The following KIRREL3 variants were observed in gnomAD, a reference collection of about 807,000 sequenced individuals.
KIRREL3 encodes kin of IRRE-like protein 3.
Under a neutral mutation model 89.7 loss-of-function variants are expected in KIRREL3, and 36 were observed. The observed-to-expected ratio is 0.40, with a 90% CI of 0.31 to 0.53. The LOEUF is 0.53. KIRREL3 is among the 20% of genes least tolerant of loss of function. KIRREL3 has a pLI of 0.49. For missense variants in KIRREL3, 864 were observed against 1,056.6 expected (o/e 0.82, Z 2.53); for synonymous variants, 445 against 441.4 (o/e 1.01, Z -0.10).
chr11:126,506,413 T>G (rs1025315727), intron 4 of KIRREL3, among the ~76,000 whole-genome samples: 2 of 152,176 alleles, frequency 1.3e-5, no homozygotes, highest in Admixed American at 1.3e-4. Context: ...GTAAGACAAA[T>G]GATTCTATTT....
chr11:126,490,742 T>G lies in KIRREL3; in HGVS notation c.434-17276A>C, dbSNP rs1957489087. 1.3e-5 allele frequency among the ~76,000 whole-genome samples: 2 copies of G among 152,282 alleles called. No homozygotes were observed. Among genetic ancestry groups the G allele is most frequent in the South Asian group, 4.1e-4 (2 of 4,828 alleles). On this transcript the variant is annotated intron_variant, in intron 4 of 16. Coordinates refer to ENST00000525144, the MANE Select transcript of KIRREL3 (RefSeq NM_032531.4). The surrounding 1 kb of genome is among the most constrained non-coding windows in gnomAD (Gnocchi z 4.2). ...GTGAATGCTCATTCCTTTTCTTGTC[T>G]CTCCTCCCTCCTCGTCTCCCAAAGA... is the stretch of plus-strand genomic sequence containing the variant.
In KIRREL3 at chr11:126,551,734, C is replaced by T. The variant is rs189078089; in HGVS notation, c.133+11101G>A. On this transcript the variant is annotated intron_variant, in intron 2 of 16. Transcript: ENST00000525144. This position sits in a 1 kb window ranked among gnomAD's most constrained non-coding sequence, Gnocchi z 4.9. ...GTGTGACCTCGGCTCACTGCAACCT[C>T]TCCTGGGTTCAAGCGATTCTCCTGC... is the stretch of plus-strand genomic sequence containing the variant. 3.2e-3 allele frequency among the ~76,000 whole-genome samples: 482 copies of T among 151,232 alleles called. 8 individuals carry two copies. The highest frequency in any genetic ancestry group is 7.9e-4 in the Non-Finnish European group (54 of 67,930).
At position 126,764,258 on chromosome 11, in the gene KIRREL3, A is replaced by G. The variant is rs755489990; in HGVS notation, c.56-201346T>C. Reference sequence around the variant, plus strand: ...TCGCTCTGGTCAATGGGCCCACGGCAGCACCCACTGTCTTGGCAAATGTCC... The same window carrying G: ...TCGCTCTGGTCAATGGGCCCACGGCGGCACCCACTGTCTTGGCAAATGTCC... On this transcript the variant is annotated intron_variant, in intron 1 of 16. Coordinates refer to ENST00000525144, the MANE Select transcript of KIRREL3 (RefSeq NM_032531.4). This position sits in a 1 kb window ranked among gnomAD's most constrained non-coding sequence, Gnocchi z 4.2. 3.1e-4 allele frequency among the ~76,000 whole-genome samples: 47 copies of G among 152,192 alleles called. No individual in the cohort carries two copies. The highest frequency in any genetic ancestry group is 4.7e-4 in the Non-Finnish European group (32 of 68,032).
intron 1 of KIRREL3, among the ~76,000 whole-genome samples, chr11:126,825,158 G>A (rs1244080062): frequency 6.6e-6 from 1 of 152,132 alleles, no homozygotes; most frequent in African/African-American, 2.4e-5. Context: ...CCAACCAGTA[G>A]CTACAGGTAA....
At chr11:126,559,590 G>T (rs943575650) in intron 2 of KIRREL3, among the ~76,000 whole-genome samples, 1 of 152,196 alleles carries the variant, frequency 6.6e-6, no homozygotes, top group Non-Finnish European at 1.5e-5. Flanking sequence ...TAGATGGAAG[G>T]CAGGATCTCT....
At chr11:126,632,227 C>T (rs1944056943) in intron 1 of KIRREL3, among the ~76,000 whole-genome samples, 1 of 152,208 alleles carries the variant, frequency 6.6e-6, no homozygotes, top group Non-Finnish European at 1.5e-5. Flanking sequence ...GAGTCTTTAG[C>T]TGAATTTCTC....
At chr11:126,488,987 C>T (rs751382181) in intron 4 of KIRREL3, among the ~76,000 whole-genome samples, 25 of 152,176 alleles carry the variant, frequency 1.6e-4, no homozygotes, top group Non-Finnish European at 3.4e-4. Context: ...CGAGACTGCG[C>T]TTCCTTTCCT....
At position 126,745,504 on chromosome 11, in the gene KIRREL3, A is replaced by G. The variant is rs867912709; in HGVS notation, c.56-182592T>C. Among the ~76,000 whole-genome samples, 81 of 152,280 alleles carry G rather than the reference A, an allele frequency of 5.3e-4. 1 individual carries two copies. The highest frequency in any genetic ancestry group is 6.8e-3 in the Middle Eastern group (2 of 294). On this transcript the variant is annotated intron_variant, in intron 1 of 16. Transcript: ENST00000525144. ...CAAACAAACAGAAAAACAAAAAAAA[A>G]AAACAAAACCCAAACAAAACCCTCA...
rs1948887420 is a variant in KIRREL3 at position 126,955,205 on chromosome 11, G to A, written c.55+45250C>T. ...GCCAACAGGGTAACGTGGTAATGAAGGAGATGGCAAAGTGAAAAGCAAGTT... is the reference window on the plus strand; with the variant it reads ...GCCAACAGGGTAACGTGGTAATGAAAGAGATGGCAAAGTGAAAAGCAAGTT... On this transcript the variant is annotated intron_variant, in intron 1 of 16. Coordinates refer to ENST00000525144, the MANE Select transcript of KIRREL3 (RefSeq NM_032531.4). This position sits in a 1 kb window ranked among gnomAD's most constrained non-coding sequence, Gnocchi z 4.6. 1.3e-5 allele frequency among the ~76,000 whole-genome samples: 2 copies of A among 152,318 alleles called. No homozygotes were observed. Among genetic ancestry groups the A allele is most frequent in the South Asian group, 4.1e-4 (2 of 4,824 alleles).
At chr11:126,583,207 C>G (rs74542833) in intron 1 of KIRREL3, among the ~76,000 whole-genome samples, 4,840 of 152,340 alleles carry the variant, frequency 0.032, 139 homozygotes, top group Middle Eastern at 0.11. Flanking sequence ...CCTCAGCTCA[C>G]TGTGGACTGT....
In KIRREL3 at chr11:126,897,719, C is replaced by T. The variant is rs769292928; in HGVS notation, c.55+102736G>A. On this transcript the variant is annotated intron_variant, in intron 1 of 16. Transcript: ENST00000525144. This position sits in a 1 kb window ranked among gnomAD's most constrained non-coding sequence, Gnocchi z 4.2. ...TCCACTTTGATTTCATCTCCAGTTT[C>T]GGACGAGCAGCAGTACAACATGCAG... 4.6e-5 allele frequency among the ~76,000 whole-genome samples: 7 copies of T among 152,186 alleles called. No homozygotes were observed. Among genetic ancestry groups the T allele is most frequent in the African/African-American group, 1.2e-4 (5 of 41,442 alleles).
chr11:126,765,844 C>T (rs1378244620), intron 1 of KIRREL3, among the ~76,000 whole-genome samples: 1 of 152,154 alleles, frequency 6.6e-6, no homozygotes, highest in Non-Finnish European at 1.5e-5. Context: ...TAGGTTCAAG[C>T]TCACCATTTC....
chr11:126,926,922 C>A (rs112570401), intron 1 of KIRREL3, among the ~76,000 whole-genome samples: 5 of 152,182 alleles, frequency 3.3e-5, no homozygotes, highest in Non-Finnish European at 5.9e-5. Flanking sequence ...CAGATTATTA[C>A]CCCGAGCTGC....
chr11:126,431,082 T>C lies in KIRREL3; in HGVS notation c.1696+337A>G. Reference sequence around the variant, plus strand: ...TGGGGTCTCTCTAGACTAACAGCTCTTGTAGAGCAAGGATCAAACCACAAA... The same window carrying C: ...TGGGGTCTCTCTAGACTAACAGCTCCTGTAGAGCAAGGATCAAACCACAAA... On this transcript the variant is annotated intron_variant, in intron 14 of 16. Coordinates refer to ENST00000525144, the MANE Select transcript of KIRREL3 (RefSeq NM_032531.4). This position sits in a 1 kb window ranked among gnomAD's most constrained non-coding sequence, Gnocchi z 7.1. 1 of 1,381,808 alleles carries C rather than the reference T, an allele frequency of 7.2e-7. No homozygotes were observed. The highest frequency in any genetic ancestry group is 9.3e-7 in the Non-Finnish European group (1 of 1,070,144). 85.6% of individuals were successfully genotyped at this position (1,381,808 alleles called of 1,614,324 possible). A position where few individuals can be genotyped will look rare whatever the true frequency, so the allele number is the denominator to read the frequency against.
intron 5 of KIRREL3, among the ~76,000 whole-genome samples, chr11:126,466,198 G>A (rs1294182258): frequency 1.3e-5 from 2 of 152,212 alleles, no homozygotes; most frequent in Non-Finnish European, 2.9e-5. Context: ...CCAGGCGTGT[G>A]CTTTTCTGGG....
chr11:126,896,302 A>G lies in KIRREL3; in HGVS notation c.55+104153T>C, dbSNP rs1418386005. On this transcript the variant is annotated intron_variant, in intron 1 of 16. Coordinates refer to ENST00000525144, the MANE Select transcript of KIRREL3 (RefSeq NM_032531.4). This position sits in a 1 kb window ranked among gnomAD's most constrained non-coding sequence, Gnocchi z 4.1. ...GACAGAACTCTGCTAGTCTGCAAGG[A>G]TGAACATGGTCCATGAGAAATAGCA... is the stretch of plus-strand genomic sequence containing the variant. Among the ~76,000 whole-genome samples, 2 of 152,238 alleles carry G rather than the reference A, an allele frequency of 1.3e-5. No individual in the cohort carries two copies. The highest frequency in any genetic ancestry group is 2.9e-5 in the Non-Finnish European group (2 of 68,036).
At chr11:126,927,712 C>A (rs1947780026) in intron 1 of KIRREL3, among the ~76,000 whole-genome samples, 1 of 152,210 alleles carries the variant, frequency 6.6e-6, no homozygotes, top group African/African-American at 2.4e-5. Context: ...TCTTCAGCAG[C>A]ATGCACAGAA....
intron 5 of KIRREL3, among the ~76,000 whole-genome samples, chr11:126,467,958 C>A (rs140666139): frequency 6.6e-6 from 1 of 152,112 alleles, no homozygotes; most frequent in African/African-American, 2.4e-5. Flanking sequence ...GGGCACTTAT[C>A]CCTTTCCTGA....
Position 126,771,275 on chromosome 11 carries a change from G to A in KIRREL3, c.56-208363C>T, listed in dbSNP as rs145242309. Among the ~76,000 whole-genome samples the A allele has an allele frequency of 4.0e-4, 61 of 151,744 alleles. 1 individual carries two copies. In the East Asian group the frequency reaches 9.7e-3, roughly 24 times the overall value. The stretch of plus-strand genomic sequence containing the variant: ...TTACTGTTTTTTTTTTTAAACAGAT[G>A]AGGAAACCGAGGCTTAGAGTGGTTA... On this transcript the variant is annotated intron_variant, in intron 1 of 16. Transcript: ENST00000525144. This position sits in a 1 kb window ranked among gnomAD's most constrained non-coding sequence, Gnocchi z 4.4.
Sources: gnomAD v4.1 joint callset for allele counts (sites outside exome capture counted in the v4.1 genomes callset) on GRCh38, gnomAD v4.1.1 for gene constraint, Gnocchi (gnomAD v3.1) non-coding constraint, MANE v1.5 for transcripts, NCBI Gene and HGNC (gene_info 2026-07-23, HGNC 2026-07-21) for gene names.